The following NCMAP variants were observed in gnomAD, a reference collection of about 807,000 sequenced individuals.
The protein encoded by NCMAP is noncompact myelin-associated protein.
A neutral mutation model predicts 7.8 loss-of-function variants in NCMAP; 8 were observed. The observed-to-expected ratio is 1.02, with a 90% CI of 0.60 to 1.84. NCMAP has a LOEUF of 1.84. Among genes scored for constraint, NCMAP ranks in the 40% most tolerant of loss-of-function variants. The probability of loss-of-function intolerance (pLI) is 0.00; values close to 1 mark genes in which losing one functional copy is unlikely to be tolerated. For synonymous variants in NCMAP, 41 were observed against 52.9 expected (o/e 0.78, Z 0.98); for missense variants, 112 against 131.4 (o/e 0.85, Z 0.72).
Position 24,576,979 on chromosome 1 carries a change from C to CA in NCMAP, c.-7-18444dup, listed in dbSNP as rs1224516246. On this transcript the variant is annotated intron_variant, in intron 1 of 3. Coordinates refer to ENST00000374392, the MANE Select transcript of NCMAP (RefSeq NM_001010980.5). The surrounding 1 kb of genome is among the most constrained non-coding windows in gnomAD (Gnocchi z 4.0). ...CCTGTCTCTACTAAAAGCACACACA[C>CA]ACAAAAAAATTAGCTGGGCGTGGTG... 8.1e-4 allele frequency among the ~76,000 whole-genome samples: 122 copies of CA among 151,362 alleles called. 1 individual carries two copies. The highest frequency in any genetic ancestry group is 2.8e-3 in the African/African-American group (117 of 41,304).
chr1:24,582,076 G>A (rs1294912925), intron 1 of NCMAP, among the ~76,000 whole-genome samples: 1 of 152,126 alleles, frequency 6.6e-6, no homozygotes. Context: ...TACCCCAGCT[G>A]GCCTAGCGGC....
chr1:24,604,717 C>T (rs555814884), intron 3 of NCMAP, among the ~76,000 whole-genome samples: 11 of 139,398 alleles, frequency 7.9e-5, no homozygotes, highest in Non-Finnish European at 1.7e-4. Flanking sequence ...CATAGTGGCA[C>T]ACACCTGCAA....
chr1:24,572,102 C>T (rs1219125405), intron 1 of NCMAP, among the ~76,000 whole-genome samples: 1 of 150,590 alleles, frequency 6.6e-6, no homozygotes, highest in African/African-American at 2.5e-5. Flanking sequence ...ACTTCATTCA[C>T]CTTAGCTGAT....
At chr1:24,558,580 C>G (rs1650969082) in intron 1 of NCMAP, among the ~76,000 whole-genome samples, 1 of 152,198 alleles carries the variant, frequency 6.6e-6, no homozygotes, top group Non-Finnish European at 1.5e-5. Context: ...AGGCCTCACA[C>G]TATGTCACTG....
At chr1:24,558,706 A>AG (rs1650971775) in intron 1 of NCMAP, among the ~76,000 whole-genome samples, 1 of 152,110 alleles carries the variant, frequency 6.6e-6, no homozygotes, top group African/African-American at 2.4e-5. Flanking sequence ...CAGGGAGCGG[A>AG]GCGCACTGTC....
At chr1:24,564,883 TAA>T (rs901146233) in intron 1 of NCMAP, among the ~76,000 whole-genome samples, 2 of 151,810 alleles carry the variant, frequency 1.3e-5, no homozygotes, top group Non-Finnish European at 2.9e-5. Context: ...ACTAGTAATT[TAA>T]AAAAAAGAAC....
At chr1:24,559,624 G>C (rs1289971272) in intron 1 of NCMAP, among the ~76,000 whole-genome samples, 2 of 152,210 alleles carry the variant, frequency 1.3e-5, no homozygotes, top group African/African-American at 4.8e-5. Flanking sequence ...TTCTCTAGCT[G>C]GGCTCAGGCC....
chr1:24,586,390 G>C (rs1212536580), intron 1 of NCMAP, among the ~76,000 whole-genome samples: 5 of 152,188 alleles, frequency 3.3e-5, no homozygotes, highest in Non-Finnish European at 5.9e-5. Flanking sequence ...ATGGAGTCCT[G>C]GCGAATGGAC....
intron 1 of NCMAP, among the ~76,000 whole-genome samples, chr1:24,563,334 C>CA (rs1255096927): frequency 6.6e-6 from 1 of 150,804 alleles, no homozygotes; most frequent in African/African-American, 2.5e-5. Context: ...CCAGCCTGAC[C>CA]AACGTGGAGA....
intron 3 of NCMAP, among the ~76,000 whole-genome samples, chr1:24,602,750 AG>A (rs1216394074): frequency 1.3e-5 from 2 of 150,528 alleles, no homozygotes; most frequent in East Asian, 3.9e-4. Context: ...AAAAAAAAAA[AG>A]TTTTTAAAAT....
intron 1 of NCMAP, among the ~76,000 whole-genome samples, chr1:24,558,280 G>T (rs1287905434): frequency 1.3e-5 from 2 of 152,170 alleles, no homozygotes; most frequent in Non-Finnish European, 2.9e-5. Flanking sequence ...AGAAAAGCAG[G>T]GAGCAAGGCT....
In NCMAP at chr1:24,576,423, C is replaced by G. The variant is rs1651561694; in HGVS notation, c.-7-19001C>G. ...AGCTTGAACGGCTGGGATTGTTTCC[C>G]CAACTCCTGTCCTCTCTGGAGTCCA... On this transcript the variant is annotated intron_variant, in intron 1 of 3. Transcript: ENST00000374392. This position sits in a 1 kb window ranked among gnomAD's most constrained non-coding sequence, Gnocchi z 4.0. Among the ~76,000 whole-genome samples the G allele has an allele frequency of 6.6e-6, 1 of 152,208 alleles. No individual in the cohort carries two copies. Among genetic ancestry groups the G allele is most frequent in the Non-Finnish European group, 1.5e-5 (1 of 68,036 alleles).
rs776113239 is a variant in NCMAP at position 24,605,715 on chromosome 1, A to G, written c.277A>G (p.Ser93Gly). 5 of 1,614,072 alleles carry G rather than the reference A, an allele frequency of 3.1e-6. No individual in the cohort carries two copies. The Admixed American group carries it at 5.0e-5, about 16-fold the overall frequency. ...CCAACACCCAGCAACTGTGACCTTCAGTCCTGTTGACGTCCAGGTGGAGAC... is the reference window on the plus strand; with the variant it reads ...CCAACACCCAGCAACTGTGACCTTCGGTCCTGTTGACGTCCAGGTGGAGAC... ...GSQHPATVTF[S>G]PVDVQVETR Residue 93 changes from serine to glycine, a missense_variant, in exon 4 of 4, where the codon AGT becomes GGT. Transcript: ENST00000374392.
chr1:24,567,424 A>C lies in NCMAP; in HGVS notation c.-8+11255A>C, dbSNP rs188601702. Among the ~76,000 whole-genome samples the C allele has an allele frequency of 7.0e-3, 1,064 of 152,260 alleles. 10 individuals carry two copies. The highest frequency in any genetic ancestry group is 0.012 in the Non-Finnish European group (786 of 68,012). ...AGAGGCTTTGGGCAGGTCTTGGAGA[A>C]AAAGGAAACTGACATTATCAGCACC... is the stretch of plus-strand genomic sequence containing the variant. On this transcript the variant is annotated intron_variant, in intron 1 of 3. Coordinates refer to ENST00000374392, the MANE Select transcript of NCMAP (RefSeq NM_001010980.5).
chr1:24,578,372 A>G (rs937048161), intron 1 of NCMAP, among the ~76,000 whole-genome samples: 1 of 144,886 alleles, frequency 6.9e-6, no homozygotes, highest in African/African-American at 2.5e-5. Flanking sequence ...TGGACACAGG[A>G]GTTTTCCAAC....
At chr1:24,597,740 C>T (rs1015983751) in intron 2 of NCMAP, among the ~76,000 whole-genome samples, 1 of 151,766 alleles carries the variant, frequency 6.6e-6, no homozygotes, top group Non-Finnish European at 1.5e-5. Context: ...TGTTTTTGCC[C>T]TGCTAGATAG....
At chr1:24,562,322 G>A (rs770611214) in intron 1 of NCMAP, among the ~76,000 whole-genome samples, 10 of 152,192 alleles carry the variant, frequency 6.6e-5, no homozygotes, top group Non-Finnish European at 1.5e-4. Flanking sequence ...TAAGCCTCAG[G>A]AACCCTATAA....
intron 1 of NCMAP, among the ~76,000 whole-genome samples, chr1:24,560,305 A>G (rs933449250): frequency 6.6e-6 from 1 of 152,036 alleles, no homozygotes; most frequent in African/African-American, 2.4e-5. Flanking sequence ...TCATTTGTTC[A>G]TTCACTCAGC....
intron 1 of NCMAP, among the ~76,000 whole-genome samples, chr1:24,564,473 C>G (rs1651153505): frequency 7.7e-6 from 1 of 130,274 alleles, no homozygotes; most frequent in Non-Finnish European, 1.5e-5. Context: ...GAAATCACGC[C>G]ACTGCACTCC....
Sources: gnomAD v4.1 joint callset for allele counts (sites outside exome capture counted in the v4.1 genomes callset) on GRCh38, gnomAD v4.1.1 for gene constraint, Gnocchi (gnomAD v3.1) non-coding constraint, MANE v1.5 for transcripts, NCBI Gene and HGNC (gene_info 2026-07-23, HGNC 2026-07-21) for gene names.